Variants in GABRG3 observed in about 807,000 individuals in gnomAD.
GABRG3 encodes the protein gamma-aminobutyric acid receptor subunit gamma-3.
In GABRG3, 25 loss-of-function variants were observed where a neutral mutation model predicts 48.8. The observed-to-expected ratio is 0.51, with a 90% CI of 0.37 to 0.72. GABRG3 has a LOEUF of 0.72. GABRG3 is among the 30% of genes least tolerant of loss of function. The probability of loss-of-function intolerance (pLI) is 0.00; values close to 1 mark genes in which losing one functional copy is unlikely to be tolerated. For synonymous variants in GABRG3, 227 were observed against 217.6 expected, an observed-to-expected ratio of 1.04 and a Z score of -0.38; for missense variants, 394 against 577.9, an observed-to-expected ratio of 0.68 and a Z score of 3.26.
rs987152550 is a variant in GABRG3, at chr15:27,536,755, G to T, written c.*3874G>T. 6.6e-6 allele frequency: 1 copy of T among 152,128 alleles called. No homozygotes were observed. The highest frequency in any genetic ancestry group is 1.5e-5 in the Non-Finnish European group (1 of 68,042). 9.4% of individuals were successfully genotyped at this position (152,128 alleles called of 1,614,324 possible). ...AAGTTTGCAGGCATGTTGCTTCGTT[G>T]TTCTGCAATATAACCACACTCGAAG... On this transcript the variant is annotated 3_prime_UTR_variant, in exon 10 of 10. Transcript: ENST00000615808.
At chr15:27,327,705 T>C (rs1349017372) in intron 4 of GABRG3, among the ~76,000 whole-genome samples, 1 of 152,088 alleles carries the variant, frequency 6.6e-6, no homozygotes, top group Non-Finnish European at 1.5e-5. Flanking sequence ...GTGGTGCTGC[T>C]CCAGAGGACA....
intron 3 of GABRG3, among the ~76,000 whole-genome samples, chr15:27,175,934 C>G (rs1887730152): frequency 6.6e-6 from 1 of 151,290 alleles, no homozygotes; most frequent in Admixed American, 6.6e-5. Context: ...AAATTATGCA[C>G]CAGAAAAGGC....
intron 3 of GABRG3, among the ~76,000 whole-genome samples, chr15:27,251,593 A>G (rs1475930755): frequency 1.3e-5 from 2 of 152,216 alleles, no homozygotes; most frequent in African/African-American, 4.8e-5. Context: ...CATTTTAAAG[A>G]AATCCTAATC....
chr15:27,168,505 A>T (rs1887456558), intron 3 of GABRG3, among the ~76,000 whole-genome samples: 1 of 152,142 alleles, frequency 6.6e-6, no homozygotes, highest in Admixed American at 6.5e-5. Context: ...CCCCACCCAA[A>T]AACAGTTCAC....
intron 2 of GABRG3, among the ~76,000 whole-genome samples, chr15:26,982,965 A>G (rs569683311): frequency 6.6e-6 from 1 of 152,108 alleles, no homozygotes. Flanking sequence ...TTAAATGCTA[A>G]ATCACGTATC....
chr15:27,401,312 T>C (rs1011622537), intron 5 of GABRG3, among the ~76,000 whole-genome samples: 7 of 152,218 alleles, frequency 4.6e-5, no homozygotes, highest in African/African-American at 1.7e-4. Flanking sequence ...AATTACCATA[T>C]GTATTTTATT....
chr15:27,104,874 CAG>C (rs561373946), intron 3 of GABRG3, among the ~76,000 whole-genome samples: 86 of 152,224 alleles, frequency 5.6e-4, no homozygotes, highest in African/African-American at 2.0e-3. Flanking sequence ...CCAGAGGAAA[CAG>C]ATAGAATAAT....
chr15:27,016,237 T>TTA, intron 2 of GABRG3, among the ~76,000 whole-genome samples: 2 of 113,706 alleles, frequency 1.8e-5, no homozygotes, highest in African/African-American at 3.6e-5. Context: ...TCTTTCTTTC[T>TTA]TTCTTTTTTT....
chr15:27,431,609 G>T (rs1004100423), intron 5 of GABRG3, among the ~76,000 whole-genome samples: 1 of 152,156 alleles, frequency 6.6e-6, no homozygotes, highest in Non-Finnish European at 1.5e-5. Flanking sequence ...GAAGGGGGAA[G>T]GATTCCGTTT....
chr15:27,310,936 T>C (rs2140506787), intron 3 of GABRG3, among the ~76,000 whole-genome samples: 1 of 152,258 alleles, frequency 6.6e-6, no homozygotes, highest in Middle Eastern at 3.4e-3. Flanking sequence ...AAAAGAAAAC[T>C]TGTCCTCTAC....
intron 3 of GABRG3, among the ~76,000 whole-genome samples, chr15:27,097,274 A>G (rs1897281088): frequency 6.6e-6 from 1 of 152,012 alleles, no homozygotes; most frequent in Admixed American, 6.6e-5. Context: ...GCTGCCCAGA[A>G]AGGCTGCAGA....
chr15:27,095,072 T>C (rs1897249470), intron 3 of GABRG3, among the ~76,000 whole-genome samples: 1 of 152,176 alleles, frequency 6.6e-6, no homozygotes, highest in African/African-American at 2.4e-5. Context: ...CAGGCATCTC[T>C]GCAAATGAAC....
intron 2 of GABRG3, among the ~76,000 whole-genome samples, chr15:26,984,349 C>T (rs1019302780): frequency 6.6e-6 from 1 of 152,108 alleles, no homozygotes; most frequent in Admixed American, 6.5e-5. Flanking sequence ...AATTGTGCAT[C>T]ACTGTTATTT....
chr15:27,397,423 G>A (rs1887339130), intron 5 of GABRG3, among the ~76,000 whole-genome samples: 1 of 151,826 alleles, frequency 6.6e-6, no homozygotes, highest in Non-Finnish European at 1.5e-5. Context: ...CCTCTATGTG[G>A]CTTTCAGGCA....
intron 9 of GABRG3, among the ~76,000 whole-genome samples, 168 bp from the exon 10 acceptor site, chr15:27,532,427 CAAAAA>C (rs374534463): frequency 1.3e-5 from 1 of 74,678 alleles, no homozygotes; most frequent in Non-Finnish European, 2.8e-5. Context: ...TCCTTAAAAC[CAAAAA>C]AAAAAAAAAA....
chr15:27,258,234 T>C (rs1049537609), intron 3 of GABRG3, among the ~76,000 whole-genome samples: 1 of 152,180 alleles, frequency 6.6e-6, no homozygotes, highest in African/African-American at 2.4e-5. Context: ...TATAAAGCTA[T>C]ACCTTATTAC....
intron 3 of GABRG3, among the ~76,000 whole-genome samples, chr15:27,261,941 C>T (rs929353175): frequency 2.6e-5 from 4 of 152,292 alleles, no homozygotes; most frequent in Admixed American, 2.6e-4. Flanking sequence ...CTTATGTATG[C>T]CCAAAACCTC....
rs1311183101 is a variant in GABRG3 at position 27,480,691 on chromosome 15, A to T, written c.616A>T (p.Asn206Tyr). Residue 206 changes from asparagine to tyrosine, a missense_variant, in exon 6 of 10, where the codon AAT becomes TAT. Coordinates refer to ENST00000615808, the MANE Select transcript of GABRG3 (RefSeq NM_033223.5). ...AGAAATGATTTATAGATGGAGAAAA[A>T]ATTCAGTGGAGGCAGCTGACCAGAA... ...KEEMIYRWRKNSVEAADQKSW... is the reference protein window; with the variant it reads ...KEEMIYRWRKYSVEAADQKSW... 4 of 1,612,100 alleles carry T rather than the reference A, an allele frequency of 2.5e-6. No homozygotes were observed. The highest frequency in any genetic ancestry group is 3.4e-6 in the Non-Finnish European group (4 of 1,178,948).
At chr15:27,261,450 G>A (rs1239137001) in intron 3 of GABRG3, among the ~76,000 whole-genome samples, 1 of 151,654 alleles carries the variant, frequency 6.6e-6, no homozygotes, top group Non-Finnish European at 1.5e-5. Flanking sequence ...AAGATGGAGG[G>A]ATTCGGGTTG....
Sources: allele counts gnomAD v4.1 joint callset (sites outside exome capture counted in the v4.1 genomes callset), GRCh38; gene constraint gnomAD v4.1.1; transcripts MANE v1.5; gene names NCBI Gene and HGNC (gene_info 2026-07-23, HGNC 2026-07-21).